The following PLAAT1 variants were observed in gnomAD, a reference collection of about 807,000 sequenced individuals.
PLAAT1 encodes phospholipase A and acyltransferase 1.
PLAAT1 carries 13 observed loss-of-function variants against 16.4 expected under a neutral mutation model. The ratio of observed to expected loss-of-function variants is 0.79; its 90% confidence interval spans 0.52 to 1.26. The LOEUF (loss-of-function observed/expected upper bound fraction) is 1.26, where lower values mean the gene tolerates loss of function less well. Among genes scored for constraint, PLAAT1 ranks in the 50% most tolerant of loss-of-function variants. PLAAT1 has a pLI of 0.00. For missense variants in PLAAT1, 218 were observed against 207.8 expected (o/e 1.05, Z -0.30); for synonymous variants, 73 against 78.4 (o/e 0.93, Z 0.36).
downstream of PLAAT1, among the ~76,000 whole-genome samples, chr3:193,280,645 T>C (rs1406977577): frequency 1.3e-5 from 2 of 152,218 alleles, no homozygotes; most frequent in African/African-American, 4.8e-5. Flanking sequence ...ACAGCATCTC[T>C]GTTCTTATTT....
downstream of PLAAT1, among the ~76,000 whole-genome samples, chr3:193,275,465 A>G (rs1717152458): frequency 6.6e-6 from 1 of 152,182 alleles, no homozygotes. Flanking sequence ...TCTGCCCTTA[A>G]GAAGCTAGAG....
At chr3:193,243,688 A>T (rs1468972443) in intron 1 of PLAAT1, among the ~76,000 whole-genome samples, 1 of 152,238 alleles carries the variant, frequency 6.6e-6, no homozygotes. Flanking sequence ...ATTGAATTCC[A>T]GTTGTGTCGC....
intron 1 of PLAAT1, among the ~76,000 whole-genome samples, chr3:193,245,416 C>T (rs1021898743): frequency 1.3e-5 from 2 of 152,114 alleles, no homozygotes; most frequent in African/African-American, 4.8e-5. Flanking sequence ...TGTATATGTA[C>T]CACATTTTTA....
At chr3:193,245,381 A>T (rs1428799844) in intron 1 of PLAAT1, among the ~76,000 whole-genome samples, 1 of 152,132 alleles carries the variant, frequency 6.6e-6, no homozygotes, top group Admixed American at 6.5e-5. Context: ...TTCCTTTTTT[A>T]AAAGGCTGTA....
At chr3:193,259,968 A>G (rs926053194) in intron 2 of PLAAT1, among the ~76,000 whole-genome samples, 1 of 152,200 alleles carries the variant, frequency 6.6e-6, no homozygotes, top group African/African-American at 2.4e-5. Context: ...CTAGAAGGCT[A>G]TAGTAACCAA....
downstream of PLAAT1, chr3:193,274,971 T>C: frequency 6.4e-7 from 1 of 1,559,524 alleles, no homozygotes; most frequent in African/African-American, 1.4e-5. Context: ...GAGAGTATCA[T>C]CACTTCTCCA....
downstream of PLAAT1, among the ~76,000 whole-genome samples, chr3:193,280,661 C>T (rs1717447920): frequency 6.6e-6 from 1 of 152,148 alleles, no homozygotes; most frequent in South Asian, 2.1e-4. Context: ...TATTTCCAAC[C>T]TCACCCACTC....
At chr3:193,279,354 A>G (rs1717374421), downstream of PLAAT1, 1 of 1,603,406 alleles carries the variant, frequency 6.2e-7, no homozygotes, top group Non-Finnish European at 8.5e-7. Flanking sequence ...TGTGCAAATG[A>G]ATGCCACTTA....
chr3:193,272,810 AG>A (rs1244468163), downstream of PLAAT1, among the ~76,000 whole-genome samples: 10 of 52,174 alleles, frequency 1.9e-4, no homozygotes, highest in African/African-American at 1.1e-3. Flanking sequence ...TTTCACCCTT[AG>A]AGGTTAGCTC....
chr3:193,267,563 T>G (rs1018973570), intron 3 of PLAAT1, among the ~76,000 whole-genome samples: 1 of 152,248 alleles, frequency 6.6e-6, no homozygotes, highest in Non-Finnish European at 1.5e-5. Context: ...TAGCACTGAA[T>G]GATATTCCAT....
At chr3:193,278,883 C>T (rs1490319677), downstream of PLAAT1, among the ~76,000 whole-genome samples, 2 of 152,104 alleles carry the variant, frequency 1.3e-5, no homozygotes, top group Admixed American at 6.5e-5. Flanking sequence ...GTTCAATAGC[C>T]TTGATGAATT....
upstream of PLAAT1, among the ~76,000 whole-genome samples, chr3:193,240,682 T>TGTGTGTGTGTGTGG (rs1182255845): frequency 2.7e-5 from 4 of 148,798 alleles, no homozygotes; most frequent in Non-Finnish European, 3.0e-5. Flanking sequence ...TGTGTGTGTG[T>TGTGTGTGTGTGTGG]GTGGTTGGAG....
intron 3 of PLAAT1, among the ~76,000 whole-genome samples, chr3:193,265,738 A>C (rs1716757016): frequency 1.3e-5 from 2 of 151,298 alleles, no homozygotes; most frequent in Admixed American, 6.7e-5. Context: ...TTGGAAATTC[A>C]TTCTCATTAG....
At chr3:193,263,338 G>A (rs568269663) in intron 3 of PLAAT1, 103 bp downstream of exon 3, 37 of 1,112,048 alleles carry the variant, frequency 3.3e-5, no homozygotes, top group Admixed American at 1.8e-4. Flanking sequence ...CAGAAAATAC[G>A]AGAATACTGA....
At chr3:193,258,954 G>C (rs192540844) in intron 2 of PLAAT1, among the ~76,000 whole-genome samples, 1 of 152,096 alleles carries the variant, frequency 6.6e-6, no homozygotes, top group East Asian at 1.9e-4. Context: ...CACAAAAAAA[G>C]AAAACTTCAG....
intron 1 of PLAAT1, among the ~76,000 whole-genome samples, chr3:193,244,194 T>C (rs1652585993): frequency 6.6e-6 from 1 of 152,132 alleles, no homozygotes; most frequent in Admixed American, 6.5e-5. Flanking sequence ...GCTATAAGCT[T>C]TTGTGTGCAG....
At chr3:193,241,124 GC>G, upstream of PLAAT1, 1 of 948,784 alleles carries the variant, frequency 1.1e-6, no homozygotes, top group African/African-American at 1.8e-5. Context: ...TCCCCGGCGG[GC>G]GGGCGGGCGG....
At chr3:193,279,583 CATATGTTTTGAA>C, downstream of PLAAT1, 3 of 673,860 alleles carry the variant, frequency 4.5e-6, no homozygotes, top group South Asian at 5.4e-5. Flanking sequence ...GATATATCCT[CATATGTTTTGAA>C]ATATGTTCTA....
downstream of PLAAT1, chr3:193,275,380 C>T (rs1577316449): frequency 2.0e-6 from 3 of 1,517,820 alleles, no homozygotes; most frequent in African/African-American, 1.4e-5. Context: ...CCACAGCCAC[C>T]TCCTTTCCCC....
Sources: gnomAD v4.1 joint callset for allele counts (sites outside exome capture counted in the v4.1 genomes callset) on GRCh38, gnomAD v4.1.1 for gene constraint, MANE v1.5 for transcripts, NCBI Gene and HGNC (gene_info 2026-07-23, HGNC 2026-07-21) for gene names.